The following SRRM5 variants were observed in gnomAD, a reference collection of about 807,000 sequenced individuals.
SRRM5 encodes the protein serine/arginine repetitive matrix 5.
SRRM5 carries 1 observed loss-of-function variant against 1.3 expected under a neutral mutation model. The observed-to-expected ratio is 0.76, with a 90% CI of 0.27 to 3.59. The LOEUF (loss-of-function observed/expected upper bound fraction) is 3.59. Among genes scored for constraint, SRRM5 ranks in the 30% most tolerant of loss-of-function variants. The pLI, the probability that SRRM5 is intolerant of heterozygous loss-of-function variation, is 0.19. For missense variants in SRRM5, 875 were observed against 914.5 expected (o/e 0.96, Z 0.56); for synonymous variants, 275 against 320.2 (o/e 0.86, Z 1.51).
chr19:43,614,267 T>G lies in SRRM5; in HGVS notation c.2146T>G (p.Ter716GluextTer26). 6.2e-7 allele frequency: 1 copy of G among 1,613,564 alleles called. No individual in the cohort carries two copies. The highest frequency in any genetic ancestry group is 8.5e-7 in the Non-Finnish European group (1 of 1,179,624). Residue 716 changes from the stop codon to glutamate (E), a stop_lost, in exon 1 of 1, where the codon TAG becomes GAG. Coordinates refer to ENST00000417606, the MANE Select transcript of SRRM5 (RefSeq NM_001145641.2). ...RSSSSSSKLA[*>E] ...TTCATCATCTTCTTCCAAGCTGGCG[T>G]AGCCCCCAGTCTCAGCTGGCTCACG... is the stretch of plus-strand genomic sequence containing the variant.
chr19:43,612,263 A>G lies in SRRM5; in HGVS notation c.142A>G (p.Lys48Glu), dbSNP rs998671071. ...ATPNRSLVPT[K>E]PATSRNSVMS... ...ACCCAACAGATCCTTAGTGCCCACC[A>G]AACCAGCGACATCCCGTAACTCAGT... The change falls in exon 1 of 1, where the codon AAA (lysine) becomes GAA (glutamate). Residue 48 changes from lysine (K) to glutamate (E), a missense_variant. Lys to Glu is a moderately conservative substitution (Grantham distance 56). Coordinates refer to ENST00000417606, the MANE Select transcript of SRRM5 (RefSeq NM_001145641.2). The surrounding 1 kb of genome is among the most constrained non-coding windows in gnomAD (Gnocchi z 4.2). The G allele has an allele frequency of 1.9e-6, 3 of 1,551,708 alleles. No individual in the cohort carries two copies. Among genetic ancestry groups the G allele is most frequent in the Non-Finnish European group, 2.6e-6 (3 of 1,147,000 alleles).
rs77574631 is a variant in SRRM5, at chr19:43,614,467, T to G, written c.*198T>G. ...GGGGGAAAGGAAAGACCTGTGATGA[T>G]TCAATAAATTTTTACATAGCACCCA... On this transcript the variant is annotated 3_prime_UTR_variant, in exon 1 of 1. Coordinates refer to ENST00000417606, the MANE Select transcript of SRRM5 (RefSeq NM_001145641.2). 1,944 of 1,430,004 alleles carry G rather than the reference T, an allele frequency of 1.4e-3. 4 individuals are homozygous for G. Among genetic ancestry groups the G allele is most frequent in the Non-Finnish European group, 1.6e-3 (1,754 of 1,097,160 alleles). 88.6% of individuals were successfully genotyped at this position (1,430,004 alleles called of 1,614,324 possible).
rs1365285592 is a variant in SRRM5 at position 43,612,755 on chromosome 19, G to T, written c.634G>T (p.Val212Leu). ...TATAGGGAGGAGTTCCGAGCTGGCT[G>T]TAACTCCCAGTACAGCCAAGTGTCA... ...SGIGRSSELA[V>L]TPSTAKCQTP... is the part of the protein sequence containing the mutation. The change falls in exon 1 of 1, where the codon GTA (valine) becomes TTA (leucine). Residue 212 changes from valine (V) to leucine (L), a missense_variant. Transcript: ENST00000417606. The surrounding 1 kb of genome is among the most constrained non-coding windows in gnomAD (Gnocchi z 4.2). 5 of 1,551,506 alleles carry T rather than the reference G, an allele frequency of 3.2e-6. No homozygotes were observed. The highest frequency in any genetic ancestry group is 4.4e-6 in the Non-Finnish European group (5 of 1,146,988).
rs1600088363 is a variant in SRRM5, at chr19:43,614,084, T to C, written c.1963T>C (p.Ser655Pro). 2 of 1,565,472 alleles carry C rather than the reference T, an allele frequency of 1.3e-6. No homozygotes were observed. Among genetic ancestry groups the C allele is most frequent in the Non-Finnish European group, 1.7e-6 (2 of 1,155,238 alleles). Residue 655 changes from serine to proline, a missense_variant, in exon 1 of 1, where the codon TCC becomes CCC. Physicochemically the swap from Ser to Pro is moderately conservative, Grantham distance 74. Transcript: ENST00000417606. The part of the protein sequence containing the change: ...TVPRSPDWKR[S>P]PTRTSSLSQN... ...CCCCAGAAGTCCCGACTGGAAGAGA[T>C]CCCCTACTAGGACAAGCAGTCTCAG...
Position 43,612,900 on chromosome 19 carries a change from C to T in SRRM5, c.779C>T (p.Thr260Ile), listed in dbSNP as rs77545563. The change falls in exon 1 of 1, where the codon ACT becomes ATT. Residue 260 changes from threonine (T) to isoleucine (I), a missense_variant. Transcript: ENST00000417606. The surrounding 1 kb of genome is among the most constrained non-coding windows in gnomAD (Gnocchi z 4.2). ...AGTAGGGAAAAGAGTTACAGCCCCA[C>T]TGAAATGTCCAGCAGGGTCAAGAGT... The part of the protein sequence containing the change: ...IPSREKSYSP[T>I]EMSSRVKSYN... The T allele has an allele frequency of 0.047, 72,244 of 1,551,668 alleles. 1,883 individuals carry two copies. The highest frequency in any genetic ancestry group is 0.053 in the Non-Finnish European group (61,212 of 1,146,966).
At position 43,613,191 on chromosome 19, in the gene SRRM5, G is replaced by A; in HGVS notation, c.1070G>A (p.Arg357Lys). 2 of 1,551,698 alleles carry A rather than the reference G, an allele frequency of 1.3e-6. No homozygotes were observed. Among genetic ancestry groups the A allele is most frequent in the Non-Finnish European group, 1.7e-6 (2 of 1,147,002 alleles). Reference protein sequence around the residue: ...PRRGRSHNWSRNPSKERSHSH... With the variant: ...PRRGRSHNWSKNPSKERSHSH... Reference sequence around the variant, plus strand: ...AGAGGAAGAAGTCACAACTGGTCTAGAAACCCCAGCAAGGAAAGAAGTCAT... The same window carrying A: ...AGAGGAAGAAGTCACAACTGGTCTAAAAACCCCAGCAAGGAAAGAAGTCAT... Residue 357 changes from arginine (R) to lysine (K), a missense_variant, in exon 1 of 1, where the codon AGA (arginine) becomes AAA (lysine). Arg to Lys is a conservative substitution (Grantham distance 26). Coordinates refer to ENST00000417606, the MANE Select transcript of SRRM5 (RefSeq NM_001145641.2).
chr19:43,612,285 C>G lies in SRRM5; in HGVS notation c.164C>G (p.Ser55Ter). The G allele has an allele frequency of 6.4e-7, 1 of 1,551,744 alleles. No individual in the cohort carries two copies. Among genetic ancestry groups the G allele is most frequent in the Non-Finnish European group, 8.7e-7 (1 of 1,147,006 alleles). Reference sequence around the variant, plus strand: ...ACCAAACCAGCGACATCCCGTAACTCAGTCATGAGCCCAAGCAGTTCCAAG... The same window carrying G: ...ACCAAACCAGCGACATCCCGTAACTGAGTCATGAGCCCAAGCAGTTCCAAG... The change falls in exon 3 of 3, where the codon TCA becomes TGA. Residue 55 changes from serine to a stop codon, truncating the protein, a stop_gained. Transcript: ENST00000607544. LOFTEE classifies it low-confidence loss of function (END_TRUNC). This position sits in a 1 kb window ranked among gnomAD's most constrained non-coding sequence, Gnocchi z 4.2.
Position 43,613,224 on chromosome 19 carries a change from C to G in SRRM5, c.1103C>G (p.Ser368Cys). Residue 368 changes from serine (S) to cysteine (C), a missense_variant, in exon 1 of 1, where the codon TCC (serine) becomes TGC (cysteine). Ser to Cys is a moderately radical substitution (Grantham distance 112). Coordinates refer to ENST00000417606, the MANE Select transcript of SRRM5 (RefSeq NM_001145641.2). ...AGCAAGGAAAGAAGTCATAGCCATTCCAGAAGCTCCAGCAAAGAGAGAGAT... is the reference window on the plus strand; with the variant it reads ...AGCAAGGAAAGAAGTCATAGCCATTGCAGAAGCTCCAGCAAAGAGAGAGAT... ...NPSKERSHSH[S>C]RSSSKERDHR... 6.4e-7 allele frequency: 1 copy of G among 1,551,542 alleles called. No individual in the cohort carries two copies. Among genetic ancestry groups the G allele is most frequent in the Non-Finnish European group, 8.7e-7 (1 of 1,146,964 alleles).
rs1973304559 is a variant in SRRM5, at chr19:43,612,170, A to G, written c.49A>G (p.Ser17Gly). 1.9e-6 allele frequency: 3 copies of G among 1,551,600 alleles called. No homozygotes were observed. The highest frequency in any genetic ancestry group is 1.2e-5 in the South Asian group (1 of 84,064). ...SSKPSMSLAP[S>G]GSSMPTADPK... is the part of the protein sequence containing the mutation. ...AAAGCCCAGTATGTCTCTGGCACCC[A>G]GTGGATCCTCCATGCCCACTGCGGA... The change falls in exon 1 of 1, where the codon AGT (serine) becomes GGT (glycine). Residue 17 changes from serine to glycine, a missense_variant. Physicochemically the swap from Ser to Gly is moderately conservative, Grantham distance 56. Transcript: ENST00000417606. The surrounding 1 kb of genome is among the most constrained non-coding windows in gnomAD (Gnocchi z 4.2).
At position 43,612,879 on chromosome 19, in the gene SRRM5, G is replaced by A. The variant is rs141178551; in HGVS notation, c.758G>A (p.Arg253Lys). Residue 253 changes from arginine to lysine, a missense_variant, in exon 1 of 1, where the codon AGG (arginine) becomes AAG (lysine). By Grantham distance (26) the Arg-to-Lys change is conservative. Transcript: ENST00000417606. This position sits in a 1 kb window ranked among gnomAD's most constrained non-coding sequence, Gnocchi z 4.2. Reference protein sequence around the residue: ...KSYGQMIIPSREKSYSPTEMS... With the variant: ...KSYGQMIIPSKEKSYSPTEMS... ...TACGGTCAGATGATCATCCCCAGTA[G>A]GGAAAAGAGTTACAGCCCCACTGAA... The A allele has an allele frequency of 1.3e-5, 20 of 1,551,698 alleles. No homozygotes were observed. The African/African-American group carries it at 2.2e-4, about 17-fold the overall frequency.
At position 43,613,972 on chromosome 19, in the gene SRRM5, T is replaced by C. The variant is rs1319176164; in HGVS notation, c.1851T>C (p.His617=). The change falls in exon 1 of 1, where the codon CAT becomes CAC. Residue 617 remains histidine (H), a synonymous_variant. Transcript: ENST00000417606. ...RPRASSKEKA[H]SRSRTPSKEG... Reference sequence around the variant, plus strand: ...GAGCCTCCAGCAAGGAGAAAGCTCATAGCCGATCTAGAACCCCCAGCAAAG... The same window carrying C: ...GAGCCTCCAGCAAGGAGAAAGCTCACAGCCGATCTAGAACCCCCAGCAAAG... 2.6e-6 allele frequency: 4 copies of C among 1,551,392 alleles called. No individual in the cohort carries two copies. The highest frequency in any genetic ancestry group is 4.9e-5 in the East Asian group (2 of 40,900).
In SRRM5 at chr19:43,612,673, T is replaced by C; in HGVS notation, c.552T>C (p.Ser184=). Residue 184 remains serine, a synonymous_variant, in exon 1 of 1, where the codon AGT becomes AGC. Coordinates refer to ENST00000417606, the MANE Select transcript of SRRM5 (RefSeq NM_001145641.2). This position sits in a 1 kb window ranked among gnomAD's most constrained non-coding sequence, Gnocchi z 4.2. ...GRPRTSNRER[S]DSQPRNLSKK... ...CTAGAACCAGCAACAGGGAAAGGAG[T>C]GACAGCCAGCCTAGAAATCTGAGCA... 6.4e-7 allele frequency: 1 copy of C among 1,550,402 alleles called. No individual in the cohort carries two copies. Among genetic ancestry groups the C allele is most frequent in the East Asian group, 2.4e-5 (1 of 40,876 alleles).
rs181599936 is a variant in SRRM5, at chr19:43,613,833, G to A, written c.1712G>A (p.Arg571Gln). The A allele has an allele frequency of 1.2e-3, 1,850 of 1,549,412 alleles. No homozygotes were observed. Among genetic ancestry groups the A allele is most frequent in the Non-Finnish European group, 1.4e-3 (1,562 of 1,145,380 alleles). Reference sequence around the variant, plus strand: ...CCCAGCAAAGAGAGAGATCGCAGACGATGGAGAAGCCCCAGCAAGGAGAGA... The same window carrying A: ...CCCAGCAAAGAGAGAGATCGCAGACAATGGAGAAGCCCCAGCAAGGAGAGA... ...RSPSKERDRRRWRSPSKERER... is the reference protein window; with the variant it reads ...RSPSKERDRRQWRSPSKERER... Residue 571 changes from arginine to glutamine, a missense_variant, in exon 1 of 1, where the codon CGA becomes CAA. Transcript: ENST00000417606.
Position 43,612,338 on chromosome 19 carries a change from G to A in SRRM5, c.217G>A (p.Ala73Thr), listed in dbSNP as rs1184849119. The stretch of plus-strand genomic sequence containing the variant: ...CACCAAATCGACCAGTACAAAAAGA[G>A]CCCCTTCTAACCGGCCCAGCAGCAG... ...KSTKSTSTKR[A>T]PSNRPSSRSR... Residue 73 changes from alanine to threonine, a missense_variant, in exon 1 of 1, where the codon GCC (alanine) becomes ACC (threonine). By Grantham distance (58) the Ala-to-Thr change is moderately conservative. Coordinates refer to ENST00000417606, the MANE Select transcript of SRRM5 (RefSeq NM_001145641.2). This position sits in a 1 kb window ranked among gnomAD's most constrained non-coding sequence, Gnocchi z 4.2. 13 of 1,551,646 alleles carry A rather than the reference G, an allele frequency of 8.4e-6. No individual in the cohort carries two copies. The highest frequency in any genetic ancestry group is 5.9e-5 in the Admixed American group (3 of 50,984).
chr19:43,614,408 CAGGATGTTGGCAGGTAGAGA>C lies in SRRM5; in HGVS notation c.*140_*159del. 6.7e-7 allele frequency: 1 copy of C among 1,482,854 alleles called. No homozygotes were observed. 91.9% of individuals were successfully genotyped at this position (1,482,854 alleles called of 1,614,324 possible). On this transcript the variant is annotated 3_prime_UTR_variant, in exon 1 of 1. Transcript: ENST00000417606. Reference sequence around the variant, plus strand: ...ACCTCCGGCCACAAGTTCTCTAATACAGGATGTTGGCAGGTAGAGAGGGATGCTGGATAGGGGGAAAGGAA... The same window carrying C: ...ACCTCCGGCCACAAGTTCTCTAATACGGGATGCTGGATAGGGGGAAAGGAA...
chr19:43,613,425 G>A lies in SRRM5; in HGVS notation c.1304G>A (p.Arg435Lys), dbSNP rs993083493. The A allele has an allele frequency of 6.5e-7, 1 of 1,528,516 alleles. No individual in the cohort carries two copies. The allele number at this position is 1,528,516 out of a possible 1,614,324, so 94.7% of individuals were successfully genotyped here. A position where few individuals can be genotyped will look rare whatever the true frequency, so the allele number is the denominator to read the frequency against. ...RSRSRSPNKA[R>K]DCSRSRSPYK... is the part of the protein sequence containing the mutation. ...CGATCTAGAAGTCCCAACAAGGCGA[G>A]AGATTGCAGCCGATCTAGAAGTCCC... Residue 435 changes from arginine (R) to lysine (K), a missense_variant, in exon 1 of 1, where the codon AGA becomes AAA. Physicochemically the swap from Arg to Lys is conservative, Grantham distance 26. Coordinates refer to ENST00000417606, the MANE Select transcript of SRRM5 (RefSeq NM_001145641.2).
chr19:43,612,891 A>T lies in SRRM5; in HGVS notation c.770A>T (p.Tyr257Phe). The part of the protein sequence containing the change: ...QMIIPSREKS[Y>F]SPTEMSSRVK... The stretch of plus-strand genomic sequence containing the variant: ...ATCATCCCCAGTAGGGAAAAGAGTT[A>T]CAGCCCCACTGAAATGTCCAGCAGG... The change falls in exon 1 of 1, where the codon TAC becomes TTC. Residue 257 changes from tyrosine to phenylalanine, a missense_variant. Physicochemically the swap from Tyr to Phe is conservative, Grantham distance 22. Coordinates refer to ENST00000417606, the MANE Select transcript of SRRM5 (RefSeq NM_001145641.2). This position sits in a 1 kb window ranked among gnomAD's most constrained non-coding sequence, Gnocchi z 4.2. The T allele has an allele frequency of 6.4e-7, 1 of 1,551,712 alleles. No homozygotes were observed. Among genetic ancestry groups the T allele is most frequent in the Non-Finnish European group, 8.7e-7 (1 of 1,146,986 alleles).
rs759766341 is a variant in SRRM5 at position 43,613,239 on chromosome 19, AAG to A, written c.1126_1127del (p.Asp376SerfsTer5). 203 of 1,551,674 alleles carry A rather than the reference AAG, an allele frequency of 1.3e-4. 1 individual carries two copies. The African/African-American group carries it at 1.9e-3, about 14-fold the overall frequency. Reference sequence around the variant, plus strand: ...CATAGCCATTCCAGAAGCTCCAGCAAAGAGAGAGATCACAGGGGATCTAGCAG... The same window carrying A: ...CATAGCCATTCCAGAAGCTCCAGCAAAGAGAGATCACAGGGGATCTAGCAG... On this transcript the variant is annotated frameshift_variant, in exon 3 of 3. Coordinates refer to the SRRM5 transcript ENST00000607544. LOFTEE classifies it low-confidence loss of function (END_TRUNC).
Position 43,612,645 on chromosome 19 carries a change from G to GCCA in SRRM5, c.524_525insCCA (p.Arg175_Pro176insGln). On this transcript the variant is annotated inframe_insertion, in exon 1 of 1. Transcript: ENST00000417606. This position sits in a 1 kb window ranked among gnomAD's most constrained non-coding sequence, Gnocchi z 4.2. ...GGGAGCCGGGGAAAGAGTTACGGCC[G>GCCA]GCCTAGAACCAGCAACAGGGAAAGG... 6.4e-7 allele frequency: 1 copy of GCCA among 1,551,406 alleles called. No homozygotes were observed. Among genetic ancestry groups the GCCA allele is most frequent in the Non-Finnish European group, 8.7e-7 (1 of 1,146,964 alleles).
Sources: gnomAD v4.1 joint callset for allele counts on GRCh38, gnomAD v4.1.1 for gene constraint, Gnocchi (gnomAD v3.1) non-coding constraint, MANE v1.5 for transcripts, NCBI Gene and HGNC (gene_info 2026-07-23, HGNC 2026-07-21) for gene names.